The following OR11A1 variants were observed in gnomAD, a reference collection of about 807,000 sequenced individuals.
OR11A1 encodes olfactory receptor family 11 subfamily A member 1, also known as olfactory receptor 11A1.
For synonymous variants in OR11A1, 158 were observed against 152.2 expected (o/e 1.04, Z -0.28); for missense variants, 380 against 378.2 (o/e 1.00, Z -0.04).
intron 1 of OR11A1, among the ~76,000 whole-genome samples, chr6:29,436,559 G>T (rs574598067): frequency 6.6e-6 from 1 of 152,272 alleles, no homozygotes; most frequent in East Asian, 1.9e-4. Context: ...ACAAAAATGT[G>T]ACCAAAAACT....
Position 29,430,899 on chromosome 6 carries a change from T to C in OR11A1, c.-264-474A>G, listed in dbSNP as rs148336393. Among the ~76,000 whole-genome samples, 791 of 152,190 alleles carry C rather than the reference T, an allele frequency of 5.2e-3. 4 individuals carry two copies. The highest frequency in any genetic ancestry group is 0.018 in the African/African-American group (743 of 41,516). On this transcript the variant is annotated intron_variant, in intron 2 of 4. Transcript: ENST00000377149. ...TTATTCCCTTAAAGACAGAGGGGAA[T>C]CAGGGAATAGAGGAAGTTGATGAAT...
chr6:29,448,397 A>G (rs1463422354), intron 1 of OR11A1, among the ~76,000 whole-genome samples: 1 of 152,142 alleles, frequency 6.6e-6, no homozygotes, highest in Non-Finnish European at 1.5e-5. Context: ...ATGGCCCTCC[A>G]ATGCTGTTGT....
intron 1 of OR11A1, among the ~76,000 whole-genome samples, chr6:29,447,228 A>G (rs114147387): frequency 0.027 from 4,039 of 152,268 alleles, 115 homozygotes; most frequent in African/African-American, 0.075. Flanking sequence ...AACCCTGACC[A>G]TCCTTGACTC....
chr6:29,445,856 T>C (rs914564656), intron 1 of OR11A1, among the ~76,000 whole-genome samples: 3 of 152,148 alleles, frequency 2.0e-5, no homozygotes, highest in African/African-American at 2.4e-5. Flanking sequence ...GCCTTAACTC[T>C]TTCCAGTCAG....
At chr6:29,456,323 C>A (rs1786246984) in intron 1 of OR11A1, among the ~76,000 whole-genome samples, 2 of 150,742 alleles carry the variant, frequency 1.3e-5, no homozygotes, top group Non-Finnish European at 3.0e-5. Context: ...GAGATCGAGA[C>A]CATGGTGAAA....
chr6:29,439,960 GT>G, intron 1 of OR11A1: 1 of 1,392,392 alleles, frequency 7.2e-7, no homozygotes, highest in Admixed American at 1.8e-5. Context: ...CGATTCCATA[GT>G]TGTGATTTTT....
At position 29,431,735 on chromosome 6, in the gene OR11A1, T is replaced by C. The variant is rs556138788; in HGVS notation, c.-265+129A>G. 2.8e-4 allele frequency: 100 copies of C among 357,846 alleles called. No individual in the cohort carries two copies. In the East Asian group the frequency reaches 0.015, roughly 55 times the overall value. The allele number at this position is 357,846 out of a possible 1,614,324, so 22.2% of individuals were successfully genotyped here. ...CTTGAAATGATTTTTAATAAAAGAC[T>C]TTTTGACTCTCTGGGTTAATTGAAA... On this transcript the variant is annotated intron_variant, in intron 2 of 4. Coordinates refer to ENST00000377149, the MANE Select transcript of OR11A1 (RefSeq NM_001394828.1).
chr6:29,438,778 A>T lies in OR11A1; in HGVS notation c.-388-6791T>A, dbSNP rs116786163. Among the ~76,000 whole-genome samples the T allele has an allele frequency of 6.9e-3, 1,007 of 146,480 alleles. 8 individuals are homozygous for T. The highest frequency in any genetic ancestry group is 0.01 in the Middle Eastern group (3 of 290). ...TCCTCAGAGAGCTTAAAGAGAGACA[A>T]CAAACCTAAGAGAGGCTTCCTCAAG... On this transcript the variant is annotated intron_variant, in intron 1 of 4. Coordinates refer to ENST00000377149, the MANE Select transcript of OR11A1 (RefSeq NM_001394828.1).
rs1398611559 is a variant in OR11A1 at position 29,453,242 on chromosome 6, T to C, written c.-389+3745A>G. Reference sequence around the variant, plus strand: ...TAAAAATAAAATTCACCAGATATGGTGAATTAAAGAGGACAGCAAATCCTT... The same window carrying C: ...TAAAAATAAAATTCACCAGATATGGCGAATTAAAGAGGACAGCAAATCCTT... On this transcript the variant is annotated intron_variant, in intron 1 of 4. Transcript: ENST00000377149. The surrounding 1 kb of genome is among the most constrained non-coding windows in gnomAD (Gnocchi z 4.5). Among the ~76,000 whole-genome samples the C allele has an allele frequency of 6.6e-6, 1 of 150,824 alleles. No individual in the cohort carries two copies. Among genetic ancestry groups the C allele is most frequent in the Non-Finnish European group, 1.5e-5 (1 of 67,686 alleles).
chr6:29,448,266 C>G (rs747109464), intron 1 of OR11A1, among the ~76,000 whole-genome samples: 1 of 152,018 alleles, frequency 6.6e-6, no homozygotes, highest in Non-Finnish European at 1.5e-5. Flanking sequence ...CTGCCCACCT[C>G]GGCCTCCCAA....
Position 29,427,043 on chromosome 6 carries a change from G to A in OR11A1, c.599C>T (p.Thr200Ile). The part of the protein sequence containing the change: ...CSDPRVAQVT[T>I]LILSVFCLTI... Reference sequence around the variant, plus strand: ...GAGGCAGAACACAGACAGAATGAGAGTTGTCACCTGAGCCACTCTGGGATC... The same window carrying A: ...GAGGCAGAACACAGACAGAATGAGAATTGTCACCTGAGCCACTCTGGGATC... Residue 200 changes from threonine to isoleucine, a missense_variant, in exon 5 of 5, where the codon ACT (threonine) becomes ATT (isoleucine). Thr to Ile is a moderately conservative substitution (Grantham distance 89, BLOSUM62 -1). Transcript: ENST00000377149. The A allele has an allele frequency of 6.2e-7, 1 of 1,612,306 alleles. No homozygotes were observed. The highest frequency in any genetic ancestry group is 8.5e-7 in the Non-Finnish European group (1 of 1,180,028).
At chr6:29,447,688 C>G (rs114160504) in intron 1 of OR11A1, among the ~76,000 whole-genome samples, 135 of 152,310 alleles carry the variant, frequency 8.9e-4, no homozygotes, top group African/African-American at 3.1e-3. Flanking sequence ...TAAATGAGGC[C>G]ATTGTAGAGT....
intron 1 of OR11A1, among the ~76,000 whole-genome samples, chr6:29,451,680 G>T (rs1785400133): frequency 6.6e-6 from 1 of 152,148 alleles, no homozygotes; most frequent in Admixed American, 6.5e-5. Flanking sequence ...AATAACAGAT[G>T]CTGGAAGCAT....
chr6:29,445,362 G>A (rs1332339117), intron 1 of OR11A1, among the ~76,000 whole-genome samples: 1 of 152,192 alleles, frequency 6.6e-6, no homozygotes, highest in Non-Finnish European at 1.5e-5. Flanking sequence ...TGGCATCAGG[G>A]AGGGAGGGTA....
At chr6:29,442,001 T>A (rs1313438948) in intron 1 of OR11A1, among the ~76,000 whole-genome samples, 1 of 152,190 alleles carries the variant, frequency 6.6e-6, no homozygotes, top group Non-Finnish European at 1.5e-5. Context: ...AGAGTCTAAT[T>A]CATTGGGTTT....
At position 29,426,861 on chromosome 6, in the gene OR11A1, C is replaced by A; in HGVS notation, c.781G>T (p.Val261Phe). 1 of 1,613,056 alleles carries A rather than the reference C, an allele frequency of 6.2e-7. No individual in the cohort carries two copies. Among genetic ancestry groups the A allele is most frequent in the Non-Finnish European group, 8.5e-7 (1 of 1,180,038 alleles). ...TGGGAATGGACAGCAGAGGGTGCAA[C>A]ATAAAAGATCATGAGCGTTCCATAG... ...TFYGTLMIFY[V>F]APSAVHSQLL... The change falls in exon 5 of 5, where the codon GTT becomes TTT. Residue 261 changes from valine to phenylalanine, a missense_variant. Coordinates refer to ENST00000377149, the MANE Select transcript of OR11A1 (RefSeq NM_001394828.1).
chr6:29,430,176 C>T lies in OR11A1; in HGVS notation c.-140+125G>A, dbSNP rs1228777658. 5.5e-6 allele frequency: 3 copies of T among 545,312 alleles called. No individual in the cohort carries two copies. In the African/African-American group the frequency reaches 6.2e-5, roughly 11 times the overall value. 33.8% of individuals were successfully genotyped at this position (545,312 alleles called of 1,614,324 possible). ...CTCAATGAATACTTAATGTTTAACA[C>T]CATGTCTTCCTTAACCTAAACCCAT... On this transcript the variant is annotated intron_variant, in intron 3 of 4. Transcript: ENST00000377149.
rs114205060 is a variant in OR11A1 at position 29,446,110 on chromosome 6, C to T, written c.-389+10877G>A. On this transcript the variant is annotated intron_variant, in intron 1 of 4. Transcript: ENST00000377149. ...AAGATGCCACCCATCATCTATTCAA[C>T]TTTTTTTTTCTTTTGGCTAACCCTT... Among the ~76,000 whole-genome samples, 636 of 151,926 alleles carry T rather than the reference C, an allele frequency of 4.2e-3. 5 individuals are homozygous for T. Among genetic ancestry groups the T allele is most frequent in the African/African-American group, 0.01 (427 of 41,462 alleles).
intron 2 of OR11A1, among the ~76,000 whole-genome samples, chr6:29,430,916 T>C (rs1783184556): frequency 6.6e-6 from 1 of 152,150 alleles, no homozygotes; most frequent in African/African-American, 2.4e-5. Flanking sequence ...ATAGAGGAAG[T>C]TGATGAATTT....
Sources: allele counts gnomAD v4.1 joint callset (sites outside exome capture counted in the v4.1 genomes callset), GRCh38; gene constraint gnomAD v4.1.1; non-coding constraint Gnocchi (gnomAD v3.1); transcripts MANE v1.5; gene names NCBI Gene and HGNC (gene_info 2026-07-23, HGNC 2026-07-21).